The following GUCY1A2 variants were observed in gnomAD, a reference collection of about 807,000 sequenced individuals.
GUCY1A2 encodes the protein guanylate cyclase soluble subunit alpha-2.
In GUCY1A2, 27 loss-of-function variants were observed where a neutral mutation model predicts 63.5. The ratio of observed to expected loss-of-function variants is 0.43; its 90% CI spans 0.31 to 0.59. GUCY1A2 has a LOEUF of 0.59. GUCY1A2 is among the 20% of genes least tolerant of loss of function. The pLI, the probability that GUCY1A2 is intolerant of heterozygous loss-of-function variation, is 0.11. For missense variants in GUCY1A2, 768 were observed against 913.3 expected, an observed-to-expected ratio of 0.84 and a Z score of 2.05; for synonymous variants, 364 against 343.5, an observed-to-expected ratio of 1.06 and a Z score of -0.66.
chr11:106,995,233 C>A (rs928311788), intron 1 of GUCY1A2, among the ~76,000 whole-genome samples: 2 of 152,112 alleles, frequency 1.3e-5, no homozygotes, highest in African/African-American at 4.8e-5. Context: ...AACACTGGAC[C>A]CTACGTGTCA....
At chr11:106,826,658 T>G in intron 4 of GUCY1A2, 1 of 1,608,392 alleles carries the variant, frequency 6.2e-7, no homozygotes, top group Non-Finnish European at 8.5e-7. Context: ...TTAAAAAATT[T>G]TGTCACATGA....
At chr11:106,976,050 G>T (rs554384096) in intron 3 of GUCY1A2, among the ~76,000 whole-genome samples, 38 of 152,232 alleles carry the variant, frequency 2.5e-4, no homozygotes, top group African/African-American at 9.1e-4. Context: ...ATGACTTCAA[G>T]TCTTTTTTGA....
intron 4 of GUCY1A2, among the ~76,000 whole-genome samples, chr11:106,916,892 C>T (rs1407921839): frequency 6.9e-6 from 1 of 145,306 alleles, no homozygotes; most frequent in Admixed American, 6.9e-5. Flanking sequence ...AATGTACAAA[C>T]TAGAAATTGC....
intron 6 of GUCY1A2, among the ~76,000 whole-genome samples, chr11:106,740,056 A>G (rs1013624603): frequency 6.0e-5 from 9 of 149,684 alleles, no homozygotes; most frequent in African/African-American, 1.5e-4. Flanking sequence ...CTGCAGTGCA[A>G]TGGCACATCT....
At chr11:106,719,443 A>C (rs1863275451) in intron 6 of GUCY1A2, among the ~76,000 whole-genome samples, 1 of 152,160 alleles carries the variant, frequency 6.6e-6, no homozygotes, top group African/African-American at 2.4e-5. Flanking sequence ...ATCAGTTATT[A>C]ATTCATTCAT....
intron 4 of GUCY1A2, among the ~76,000 whole-genome samples, chr11:106,851,154 G>GT (rs1859348653): frequency 6.6e-6 from 1 of 150,912 alleles, no homozygotes; most frequent in Admixed American, 6.6e-5. Flanking sequence ...AGAAATGTCT[G>GT]TTTAGTTTCT....
chr11:106,894,550 C>T (rs1860019643), intron 4 of GUCY1A2, among the ~76,000 whole-genome samples: 1 of 152,142 alleles, frequency 6.6e-6, no homozygotes, highest in Admixed American at 6.6e-5. Flanking sequence ...CAATCTGGGC[C>T]ATAAAACACA....
intron 4 of GUCY1A2, among the ~76,000 whole-genome samples, chr11:106,937,110 G>A (rs1860689946): frequency 6.6e-6 from 1 of 152,144 alleles, no homozygotes; most frequent in Non-Finnish European, 1.5e-5. Context: ...TGGGGCAACT[G>A]TAACCTCTCA....
intron 4 of GUCY1A2, among the ~76,000 whole-genome samples, chr11:106,932,089 G>A (rs1860610471): frequency 6.6e-6 from 1 of 152,004 alleles, no homozygotes; most frequent in Admixed American, 6.6e-5. Flanking sequence ...AAAAGGAACA[G>A]TTAAAGGAAG....
At position 106,676,849 on chromosome 11, in the gene GUCY1A2, G is replaced by C. The variant is rs1354953015; in HGVS notation, c.*10700C>G. On this transcript the variant is annotated 3_prime_UTR_variant, in exon 8 of 8. Transcript: ENST00000526355. ...TTTTTCTAACTTAAGACATTTGTAAGGGGGTAAAAATAGGAGATTGTCCAA... is the reference window on the plus strand; with the variant it reads ...TTTTTCTAACTTAAGACATTTGTAACGGGGTAAAAATAGGAGATTGTCCAA... 1 of 200,284 alleles carries C rather than the reference G, an allele frequency of 5.0e-6. No individual in the cohort carries two copies. The highest frequency in any genetic ancestry group is 1.0e-5 in the Non-Finnish European group (1 of 97,162). The allele number at this position is 200,284 out of a possible 1,614,324, so 12.4% of individuals were successfully genotyped here. A position where few individuals can be genotyped will look rare whatever the true frequency, so the allele number is the denominator to read the frequency against.
intron 4 of GUCY1A2, among the ~76,000 whole-genome samples, chr11:106,872,392 C>T (rs1175507289): frequency 1.3e-5 from 2 of 152,134 alleles, no homozygotes; most frequent in African/African-American, 4.8e-5. Flanking sequence ...AACATTGCTA[C>T]ATACCAGTCA....
At chr11:106,871,488 C>T (rs1859677426) in intron 4 of GUCY1A2, among the ~76,000 whole-genome samples, 1 of 152,106 alleles carries the variant, frequency 6.6e-6, no homozygotes, top group African/African-American at 2.4e-5. Flanking sequence ...TCCTTGCTGT[C>T]CCTATGCTTT....
At chr11:106,984,366 A>G (rs1861374941) in intron 2 of GUCY1A2, among the ~76,000 whole-genome samples, 1 of 152,234 alleles carries the variant, frequency 6.6e-6, no homozygotes. Flanking sequence ...TAGACAAAGA[A>G]GCACCACAGA....
chr11:106,728,112 T>C (rs1393478603), intron 6 of GUCY1A2, among the ~76,000 whole-genome samples: 3 of 152,226 alleles, frequency 2.0e-5, no homozygotes, highest in Non-Finnish European at 2.9e-5. Context: ...AAACACCGCA[T>C]GCCTTCTTGT....
intron 4 of GUCY1A2, among the ~76,000 whole-genome samples, chr11:106,822,760 T>C (rs745675276): frequency 5.3e-5 from 8 of 152,176 alleles, no homozygotes; most frequent in Admixed American, 1.3e-4. Context: ...GTACTCATCA[T>C]TTTCCCTTAT....
chr11:106,742,667 A>G (rs924257140), intron 6 of GUCY1A2, among the ~76,000 whole-genome samples: 1 of 152,204 alleles, frequency 6.6e-6, no homozygotes, highest in African/African-American at 2.4e-5. Flanking sequence ...ATGTATCTTT[A>G]TAACAGAATT....
In GUCY1A2 at chr11:106,940,126, T is replaced by C; in HGVS notation, c.540A>G (p.Ile180Met). The change falls in exon 4 of 8, where the codon ATA (isoleucine) becomes ATG (methionine). Residue 180 changes from isoleucine to methionine, a missense_variant. By Grantham distance (10) the Ile-to-Met change is conservative. Around this residue, in one of 3 missense-constraint regions of GUCY1A2, gnomAD observed 496 missense variants for 486.9 expected, o/e 1.02. Coordinates refer to ENST00000526355, the MANE Select transcript of GUCY1A2 (RefSeq NM_000855.3). Reference protein sequence around the residue: ...QKRFGEEFFNICFHENERVLR... With the variant: ...QKRFGEEFFNMCFHENERVLR... ...GGACTCTCTCATTCTCATGAAAGCA[T>C]ATATTAAAGAACTCTTCACCAAATC... is the stretch of plus-strand genomic sequence containing the variant. 1 of 1,611,242 alleles carries C rather than the reference T, an allele frequency of 6.2e-7. No homozygotes were observed. Among genetic ancestry groups the C allele is most frequent in the Non-Finnish European group, 8.5e-7 (1 of 1,178,040 alleles).
At chr11:106,990,006 T>C (rs920912544) in intron 1 of GUCY1A2, among the ~76,000 whole-genome samples, 9 of 152,322 alleles carry the variant, frequency 5.9e-5, no homozygotes, top group African/African-American at 2.2e-4. Flanking sequence ...AGCCCTATGC[T>C]GGAGGATCAA....
intron 4 of GUCY1A2, among the ~76,000 whole-genome samples, chr11:106,832,965 T>C (rs757003318): frequency 7.2e-5 from 11 of 152,130 alleles, no homozygotes; most frequent in Non-Finnish European, 1.6e-4. Flanking sequence ...GTATCACGAA[T>C]TGAGTGGCTT....
Sources: allele counts gnomAD v4.1 joint callset (sites outside exome capture counted in the v4.1 genomes callset), GRCh38; gene constraint gnomAD v4.1.1; regional missense constraint gnomAD v4.1.1; transcripts MANE v1.5; gene names NCBI Gene and HGNC (gene_info 2026-07-23, HGNC 2026-07-21).